The following NPC1L1 variants were observed in gnomAD, a reference collection of about 807,000 sequenced individuals.
NPC1L1 encodes NPC1-like intracellular cholesterol transporter 1.
Under a neutral mutation model 117.0 loss-of-function variants are expected in NPC1L1, and 98 were observed. That is an observed-to-expected ratio of 0.84 (90% CI 0.71 to 0.99). The LOEUF (loss-of-function observed/expected upper bound fraction) is 0.99. NPC1L1 is among the 50% of genes least tolerant of loss of function. NPC1L1 has a pLI of 0.00. For missense variants in NPC1L1, 1,540 were observed against 1,710.0 expected, an observed-to-expected ratio of 0.90 and a Z score of 1.75; for synonymous variants, 729 against 727.6, an observed-to-expected ratio of 1.00 and a Z score of -0.03.
intron 16 of NPC1L1, 119 bp from the exon 17 acceptor site, chr7:44,516,316 G>C: frequency 1.1e-6 from 1 of 895,606 alleles, no homozygotes; most frequent in Non-Finnish European, 1.8e-6. Flanking sequence ...AGAACTGGGA[G>C]TATTTGGCCG....
At chr7:44,518,670 A>G in intron 14 of NPC1L1, 2 of 253,380 alleles carry the variant, frequency 7.9e-6, no homozygotes, top group Non-Finnish European at 1.3e-5. Flanking sequence ...ACTGTGTCTC[A>G]AAAAAAAAAA....
intron 10 of NPC1L1, among the ~76,000 whole-genome samples, chr7:44,531,526 T>C (rs927406584): frequency 2.6e-5 from 4 of 152,246 alleles, no homozygotes; most frequent in African/African-American, 9.6e-5. Context: ...CTCCGATGCC[T>C]GGGCCATCTC....
At chr7:44,529,794 G>A (rs1585140626) in intron 10 of NPC1L1, among the ~76,000 whole-genome samples, 1 of 152,066 alleles carries the variant, frequency 6.6e-6, no homozygotes, top group Non-Finnish European at 1.5e-5. Flanking sequence ...CCAGCACTTT[G>A]GGAGGGCAAA....
At position 44,513,002 on chromosome 7, in the gene NPC1L1, T is replaced by C. The variant is rs1039238877; in HGVS notation, c.*445A>G. 6 of 233,860 alleles carry C rather than the reference T, an allele frequency of 2.6e-5. No individual in the cohort carries two copies. Among genetic ancestry groups the C allele is most frequent in the Admixed American group, 5.0e-5 (1 of 19,872 alleles). The allele number at this position is 233,860 out of a possible 1,614,324, so 14.5% of individuals were successfully genotyped here. A position where few individuals can be genotyped will look rare whatever the true frequency, so the allele number is the denominator to read the frequency against. The stretch of plus-strand genomic sequence containing the variant: ...TTTGCCTCTCTCTGGCCTCCTGTGA[T>C]ATCACACCCAGGGTAGTGGTCATTG... On this transcript the variant is annotated 3_prime_UTR_variant, in exon 19 of 19. Transcript: ENST00000381160.
chr7:44,536,025 C>T lies in NPC1L1; in HGVS notation c.1855-57G>A, dbSNP rs2117071159. ...ACCGTGCCTGCTTCAGCCAGGCCAG[C>T]TCTCAATAGCTCGGTCACTGGGCAC... On this transcript the variant is annotated intron_variant, in intron 4 of 18. Transcript: ENST00000381160. The surrounding 1 kb of genome is among the most constrained non-coding windows in gnomAD (Gnocchi z 4.7). 2 of 1,611,432 alleles carry T rather than the reference C, an allele frequency of 1.2e-6. No individual in the cohort carries two copies. The highest frequency in any genetic ancestry group is 1.7e-6 in the Non-Finnish European group (2 of 1,179,578).
intron 10 of NPC1L1, among the ~76,000 whole-genome samples, chr7:44,528,016 G>A (rs1347476164): frequency 6.6e-6 from 1 of 152,100 alleles, no homozygotes; most frequent in South Asian, 2.1e-4. Context: ...GTAGAGATGG[G>A]GTTTTGTCAT....
In NPC1L1 at chr7:44,522,133, A is replaced by G; in HGVS notation, c.2747T>C (p.Met916Thr). Reference sequence around the variant, plus strand: ...GCCTGCACTGGAGCAGATGGCATTCATCCCAGCCTCGCTGGAGAAGTTGTA... The same window carrying G: ...GCCTGCACTGGAGCAGATGGCATTCGTCCCAGCCTCGCTGGAGAAGTTGTA... ...LGYNFSSEAGMNAICSSAGCN... is the reference protein window; with the variant it reads ...LGYNFSSEAGTNAICSSAGCN... Residue 916 changes from methionine to threonine, a missense_variant, in exon 11 of 19, where the codon ATG (methionine) becomes ACG (threonine). Transcript: ENST00000381160. 6.2e-7 allele frequency: 1 copy of G among 1,614,056 alleles called. No homozygotes were observed. The highest frequency in any genetic ancestry group is 1.1e-5 in the South Asian group (1 of 91,070).
rs1801088932 is a variant in NPC1L1, at chr7:44,513,211, G to T, written c.*236C>A. The T allele has an allele frequency of 1.8e-6, 1 of 560,474 alleles. No homozygotes were observed. Among genetic ancestry groups the T allele is most frequent in the African/African-American group, 1.9e-5 (1 of 53,120 alleles). The allele number at this position is 560,474 out of a possible 1,614,324, so 34.7% of individuals were successfully genotyped here. ...CTTCCAGACCCAGGCCCAGGAGGAG[G>T]CACTGCCCAAGGCCTAGGTGACTTG... On this transcript the variant is annotated 3_prime_UTR_variant, in exon 19 of 19. Transcript: ENST00000381160.
Position 44,536,248 on chromosome 7 carries a change from GC to G in NPC1L1, c.1854+7del. The G allele has an allele frequency of 1.9e-6, 3 of 1,613,104 alleles. No individual in the cohort carries two copies. The highest frequency in any genetic ancestry group is 2.5e-6 in the Non-Finnish European group (3 of 1,179,998). On this transcript the variant is annotated splice_region_variant and intron_variant, in intron 4 of 18. Coordinates refer to ENST00000381160, the MANE Select transcript of NPC1L1 (RefSeq NM_001101648.2). The surrounding 1 kb of genome is among the most constrained non-coding windows in gnomAD (Gnocchi z 4.7). ...CACCCCCAGAGCCAGGGACCCTGCA[GC>G]CCCTACCTCAGCCATGAACGTGACC...
rs762625343 is a variant in NPC1L1, at chr7:44,533,520, G to A, written c.2320C>T (p.Leu774=). ...TPMPAVRTFA[L]TSGLAVILDF... is the part of the protein sequence containing the mutation. ...AGGATCACTGCAAGGCCAGAGGTCA[G>A]GGCAAAGGTCCGCACAGCTGGCATG... is the stretch of plus-strand genomic sequence containing the variant. Residue 774 remains leucine, a synonymous_variant, in exon 8 of 19, where the codon CTG becomes TTG. Coordinates refer to ENST00000381160, the MANE Select transcript of NPC1L1 (RefSeq NM_001101648.2). 3.1e-6 allele frequency: 5 copies of A among 1,614,100 alleles called. No homozygotes were observed. In the South Asian group the frequency reaches 5.5e-5, roughly 18 times the overall value.
At chr7:44,530,994 T>G (rs903272816) in intron 10 of NPC1L1, among the ~76,000 whole-genome samples, 8 of 152,072 alleles carry the variant, frequency 5.3e-5, no homozygotes, top group African/African-American at 1.9e-4. Flanking sequence ...CCATCACAGT[T>G]CCCCAGATGG....
chr7:44,521,016 C>T lies in NPC1L1; in HGVS notation c.3056G>A (p.Arg1019Gln), dbSNP rs376734764. ...HKYLPWFLND[R>Q]PNIKCPKGGL... ...CCCTTTGGGACATTTGATGTTGGGC[C>T]GGTCGTTCAGGAACCAGGGAAGATA... The change falls in exon 13 of 19, where the codon CGG (arginine) becomes CAG (glutamine). Residue 1019 changes from arginine to glutamine, a missense_variant. Physicochemically the swap from Arg to Gln is conservative, Grantham distance 43. Around this residue, in one of 3 missense-constraint regions of NPC1L1, gnomAD observed 742 missense variants for 873.6 expected, o/e 0.85. Coordinates refer to ENST00000381160, the MANE Select transcript of NPC1L1 (RefSeq NM_001101648.2). 69 of 1,614,032 alleles carry T rather than the reference C, an allele frequency of 4.3e-5. No individual in the cohort carries two copies. Among genetic ancestry groups the T allele is most frequent in the Non-Finnish European group, 5.1e-5 (60 of 1,180,032 alleles).
chr7:44,529,697 G>A (rs1161134644), intron 10 of NPC1L1, among the ~76,000 whole-genome samples: 5 of 151,618 alleles, frequency 3.3e-5, no homozygotes, highest in Non-Finnish European at 1.5e-5. Context: ...AATATTGTAT[G>A]AGTTCACTTA....
rs369300496 is a variant in NPC1L1, at chr7:44,536,002, C to T, written c.1855-34G>A. The T allele has an allele frequency of 1.6e-5, 25 of 1,612,146 alleles. 1 individual carries two copies. Among genetic ancestry groups the T allele is most frequent in the South Asian group, 5.5e-5 (5 of 90,872 alleles). On this transcript the variant is annotated intron_variant, in intron 4 of 18. Coordinates refer to ENST00000381160, the MANE Select transcript of NPC1L1 (RefSeq NM_001101648.2). This position sits in a 1 kb window ranked among gnomAD's most constrained non-coding sequence, Gnocchi z 4.7. The stretch of plus-strand genomic sequence containing the variant: ...ACACACCCGACCAGCCCCCACTGAC[C>T]GTGCCTGCTTCAGCCAGGCCAGCTC...
Position 44,539,500 on chromosome 7 carries a change from G to A in NPC1L1, c.897C>T (p.Thr299=). 1.2e-6 allele frequency: 2 copies of A among 1,613,658 alleles called. No homozygotes were observed. The highest frequency in any genetic ancestry group is 2.2e-5 in the South Asian group (2 of 91,070). Residue 299 remains threonine (T), a synonymous_variant, in exon 2 of 19, where the codon ACC becomes ACT. Coordinates refer to ENST00000381160, the MANE Select transcript of NPC1L1 (RefSeq NM_001101648.2). The surrounding 1 kb of genome is among the most constrained non-coding windows in gnomAD (Gnocchi z 4.4). ...CCACACGGAATCCCACAAGCAGGATGGTGACCACAGCGAAGACAGAGCAGA... is the reference window on the plus strand; with the variant it reads ...CCACACGGAATCCCACAAGCAGGATAGTGACCACAGCGAAGACAGAGCAGA... ...IILCSVFAVV[T]ILLVGFRVAP...
intron 11 of NPC1L1, 107 bp from the exon 12 acceptor site, chr7:44,521,943 G>T (rs536655476): frequency 6.9e-6 from 11 of 1,592,946 alleles, no homozygotes; most frequent in Non-Finnish European, 8.6e-6. Flanking sequence ...CGGCAGCAAG[G>T]CAGCAGGGCA....
At chr7:44,524,724 A>G (rs1801457605) in intron 10 of NPC1L1, among the ~76,000 whole-genome samples, 1 of 152,206 alleles carries the variant, frequency 6.6e-6, no homozygotes, top group South Asian at 2.1e-4. Flanking sequence ...AGCCTGGGTG[A>G]TAGAGCAAGA....
At chr7:44,540,583 A>G (rs957281943) in intron 1 of NPC1L1, among the ~76,000 whole-genome samples, 2 of 152,082 alleles carry the variant, frequency 1.3e-5, no homozygotes, top group Non-Finnish European at 2.9e-5. Context: ...GTCATGCTGG[A>G]GAGGCCAGAG....
intron 12 of NPC1L1, 152 bp from the exon 13 acceptor site, chr7:44,521,270 A>G: frequency 9.1e-7 from 1 of 1,097,558 alleles, no homozygotes; most frequent in Non-Finnish European, 1.3e-6. Context: ...CATTTGTGGG[A>G]GAAGTTCTCC....
Sources: gnomAD v4.1 joint callset for allele counts (sites outside exome capture counted in the v4.1 genomes callset) on GRCh38, gnomAD v4.1.1 for gene constraint, gnomAD v4.1.1 regional missense constraint, Gnocchi (gnomAD v3.1) non-coding constraint, MANE v1.5 for transcripts, NCBI Gene and HGNC (gene_info 2026-07-23, HGNC 2026-07-21) for gene names.